LHFPL3: variants seen among roughly 807,000 people sequenced by gnomAD.
LHFPL3 encodes LHFPL tetraspan subfamily member 3 protein.
LHFPL3 carries 5 observed loss-of-function variants against 19.3 expected under a neutral mutation model. The ratio of observed to expected loss-of-function variants is 0.26; its 90% CI spans 0.14 to 0.54. LHFPL3 has a LOEUF of 0.54. Among genes scored for constraint, LHFPL3 ranks in the 20% least tolerant of loss-of-function variants. The pLI is 0.94. For synonymous variants in LHFPL3, 133 were observed against 126.2 expected (o/e 1.05, Z -0.36); for missense variants, 249 against 307.4 (o/e 0.81, Z 1.42).
intron 1 of LHFPL3, among the ~76,000 whole-genome samples, chr7:104,390,545 G>A (rs192586355): frequency 2.0e-5 from 3 of 152,274 alleles, no homozygotes; most frequent in African/African-American, 7.2e-5. Flanking sequence ...AGTATTCCAT[G>A]GTGTATATGT....
chr7:104,428,462 A>G (rs926233789), intron 1 of LHFPL3, among the ~76,000 whole-genome samples: 4 of 152,122 alleles, frequency 2.6e-5, no homozygotes, highest in Admixed American at 2.0e-4. Context: ...TAATTTATAA[A>G]TCCTCCCTCC....
intron 1 of LHFPL3, among the ~76,000 whole-genome samples, chr7:104,714,872 GTT>G (rs1793358211): frequency 1.3e-5 from 2 of 151,560 alleles, no homozygotes; most frequent in East Asian, 1.9e-4. Context: ...AGAGGGATGC[GTT>G]TGTGTGTGTG....
intron 1 of LHFPL3, among the ~76,000 whole-genome samples, chr7:104,729,753 T>TA (rs1385424465): frequency 6.6e-6 from 1 of 152,110 alleles, no homozygotes; most frequent in African/African-American, 2.4e-5. Context: ...TTTATATATA[T>TA]TTTTTATTAT....
rs569957099 is a variant in LHFPL3 at position 104,488,296 on chromosome 7, G to C, written c.445+159072G>C. Among the ~76,000 whole-genome samples, 3 of 152,210 alleles carry C rather than the reference G, an allele frequency of 2.0e-5. No homozygotes were observed. The South Asian group carries it at 6.2e-4, about 32-fold the overall frequency. On this transcript the variant is annotated intron_variant, in intron 1 of 2. Coordinates refer to ENST00000424859, the MANE Select transcript of LHFPL3 (RefSeq NM_199000.3). ...CAAAAATTGAGGGTGCTTTTGGATG[G>C]CTTCCAAGAGAAGAGGTAGAAATAC...
intron 1 of LHFPL3, among the ~76,000 whole-genome samples, chr7:104,349,654 T>G (rs556691185): frequency 3.3e-5 from 5 of 152,216 alleles, no homozygotes; most frequent in Non-Finnish European, 7.4e-5. Flanking sequence ...CAAACCACCA[T>G]AGCACGTGTA....
intron 1 of LHFPL3, among the ~76,000 whole-genome samples, chr7:104,372,812 G>C (rs2116434440): frequency 6.6e-6 from 1 of 152,256 alleles, no homozygotes; most frequent in Non-Finnish European, 1.5e-5. Flanking sequence ...ACAGGTTGCT[G>C]TGTTATTCGT....
chr7:104,674,187 C>A (rs1009095757), intron 1 of LHFPL3, among the ~76,000 whole-genome samples: 3 of 149,114 alleles, frequency 2.0e-5, no homozygotes, highest in African/African-American at 7.4e-5. Flanking sequence ...ACACTGATTT[C>A]TTCATCCTCC....
chr7:104,603,990 C>G (rs546261818), intron 1 of LHFPL3, among the ~76,000 whole-genome samples: 54 of 152,268 alleles, frequency 3.5e-4, no homozygotes, highest in African/African-American at 1.3e-3. Flanking sequence ...GCTGGTAGTT[C>G]TACAGTTCTC....
At chr7:104,706,867 T>G (rs1396920468) in intron 1 of LHFPL3, among the ~76,000 whole-genome samples, 1 of 152,186 alleles carries the variant, frequency 6.6e-6, no homozygotes, top group Non-Finnish European at 1.5e-5. Context: ...CAGCCACAAT[T>G]CCATTCTTTG....
intron 2 of LHFPL3, among the ~76,000 whole-genome samples, chr7:104,824,630 AT>A (rs1562804876): frequency 1.2e-5 from 1 of 85,898 alleles, no homozygotes; most frequent in East Asian, 3.2e-4. Flanking sequence ...TATTTTATAT[AT>A]ATTATTTTAT....
chr7:104,491,002 A>G (rs1265700403), intron 1 of LHFPL3, among the ~76,000 whole-genome samples: 2 of 152,140 alleles, frequency 1.3e-5, no homozygotes, highest in Non-Finnish European at 2.9e-5. Context: ...GTTCCTGTAC[A>G]GAACTTGGAA....
At chr7:104,430,433 T>TATACAC (rs1562895277) in intron 1 of LHFPL3, among the ~76,000 whole-genome samples, 30 of 13,626 alleles carry the variant, frequency 2.2e-3, no homozygotes, top group African/African-American at 4.3e-3. Flanking sequence ...TATATATATA[T>TATACAC]ATATATATAT....
At chr7:104,455,030 G>A (rs1412963352) in intron 1 of LHFPL3, among the ~76,000 whole-genome samples, 2 of 152,188 alleles carry the variant, frequency 1.3e-5, no homozygotes, top group Middle Eastern at 3.4e-3. Context: ...TCCTTATTGT[G>A]CCTGTCATTT....
intron 2 of LHFPL3, among the ~76,000 whole-genome samples, chr7:104,897,072 T>C (rs1292878331): frequency 6.7e-6 from 1 of 149,710 alleles, no homozygotes; most frequent in Non-Finnish European, 1.5e-5. Flanking sequence ...GGTGACAGAG[T>C]GAGACTCCAT....
At chr7:104,633,406 T>C (rs1246248138) in intron 1 of LHFPL3, among the ~76,000 whole-genome samples, 1 of 152,224 alleles carries the variant, frequency 6.6e-6, no homozygotes, top group Non-Finnish European at 1.5e-5. Flanking sequence ...CACTGGAAAC[T>C]GCACAAAACC....
intron 1 of LHFPL3, among the ~76,000 whole-genome samples, chr7:104,625,043 G>T (rs1791516998): frequency 6.6e-6 from 1 of 152,156 alleles, no homozygotes; most frequent in African/African-American, 2.4e-5. Context: ...CAATAGTTTA[G>T]GTGACACCTG....
intron 1 of LHFPL3, among the ~76,000 whole-genome samples, chr7:104,348,157 C>T (rs1386544594): frequency 6.6e-6 from 1 of 152,152 alleles, no homozygotes; most frequent in Admixed American, 6.5e-5. Flanking sequence ...AAGACCGAGG[C>T]GTGTGGATCA....
At chr7:104,595,657 C>G (rs1458163013) in intron 1 of LHFPL3, among the ~76,000 whole-genome samples, 1 of 152,244 alleles carries the variant, frequency 6.6e-6, no homozygotes, top group African/African-American at 2.4e-5. Flanking sequence ...TCCGCTATGC[C>G]CTACCCACAG....
At chr7:104,849,342 A>C (rs952172672) in intron 2 of LHFPL3, among the ~76,000 whole-genome samples, 1 of 152,208 alleles carries the variant, frequency 6.6e-6, no homozygotes, top group African/African-American at 2.4e-5. Context: ...CCCCAAAACT[A>C]ACTGAGCTCC....
Sources: allele counts gnomAD v4.1 joint callset (sites outside exome capture counted in the v4.1 genomes callset), GRCh38; gene constraint gnomAD v4.1.1; transcripts MANE v1.5; gene names NCBI Gene and HGNC (gene_info 2026-07-23, HGNC 2026-07-21).